Variants in SETD1B observed in about 807,000 individuals in gnomAD.
The protein encoded by SETD1B is SET domain containing 1B, histone lysine methyltransferase.
Under a neutral mutation model 148.0 loss-of-function variants are expected in SETD1B, and 7 were observed. The ratio of observed to expected loss-of-function variants is 0.05; its 90% confidence interval spans 0.03 to 0.09. SETD1B has a LOEUF of 0.09. Ranked by LOEUF, SETD1B falls within the 10% of genes least tolerant of loss-of-function variation. The pLI is 1.00. For synonymous variants in SETD1B, 1,361 were observed against 1,186.5 expected (o/e 1.15, Z -3.02); for missense variants, 2,155 against 2,729.9 (o/e 0.79, Z 4.69).
rs1339728381 is a variant in SETD1B, at chr12:121,830,141, G to A, written c.5803G>A (p.Val1935Ile). ...IVIYSKQHIN[V>I]NEEITYDYKF... Reference sequence around the variant, plus strand: ...CATCTACTCGAAGCAGCACATTAACGTCAATGAGGAGATTACCTATGACTA... The same window carrying A: ...CATCTACTCGAAGCAGCACATTAACATCAATGAGGAGATTACCTATGACTA... The change falls in exon 17 of 17, where the codon GTC (valine) becomes ATC (isoleucine). Residue 1935 changes from valine to isoleucine, a missense_variant. Around this residue, in one of 11 missense-constraint regions of SETD1B, gnomAD observed 17 missense variants for 47.8 expected, o/e 0.36. Transcript: ENST00000604567. The surrounding 1 kb of genome is among the most constrained non-coding windows in gnomAD (Gnocchi z 5.7). The A allele has an allele frequency of 4.3e-5, 67 of 1,551,382 alleles. No homozygotes were observed. The highest frequency in any genetic ancestry group is 4.9e-5 in the East Asian group (2 of 40,908).
rs977165817 is a variant in SETD1B at position 121,810,007 on chromosome 12, C to T, written c.1062C>T (p.Phe354=). 45 of 1,550,436 alleles carry T rather than the reference C, an allele frequency of 2.9e-5. No individual in the cohort carries two copies. The highest frequency in any genetic ancestry group is 5.9e-5 in the South Asian group (5 of 84,058). Residue 354 remains phenylalanine, a synonymous_variant, in exon 6 of 17, where the codon TTC becomes TTT. Transcript: ENST00000604567. This position sits in a 1 kb window ranked among gnomAD's most constrained non-coding sequence, Gnocchi z 7.6. ...AAFRGSSDLP[F]GAVGGTGGSS... ...TCCGGGGTTCCTCGGACCTCCCGTTCGGAGCAGTCGGCGGCACTGGGGGCA... is the reference window on the plus strand; with the variant it reads ...TCCGGGGTTCCTCGGACCTCCCGTTTGGAGCAGTCGGCGGCACTGGGGGCA...
chr12:121,813,379 A>G (rs1341603329), intron 6 of SETD1B, among the ~76,000 whole-genome samples: 1 of 152,040 alleles, frequency 6.6e-6, no homozygotes, highest in East Asian at 1.9e-4. Flanking sequence ...CTCCAATGTC[A>G]CCTTTCCTGC....
intron 16 of SETD1B, among the ~76,000 whole-genome samples, chr12:121,828,853 G>A (rs1225545660): frequency 6.6e-6 from 1 of 152,214 alleles, no homozygotes; most frequent in African/African-American, 2.4e-5. Context: ...CTGCACGTGG[G>A]CCATTTGAGT....
At chr12:121,793,664 C>T in the SETD1B span, 2 of 1,509,648 alleles carry the variant, frequency 1.3e-6, no homozygotes, top group South Asian at 1.2e-5. Context: ...GGCGGCGGCG[C>T]GCCGGGCACT....
At chr12:121,793,858 A>G in the SETD1B span, 1 of 421,106 alleles carries the variant, frequency 2.4e-6, no homozygotes. Context: ...CACCGGAAAA[A>G]CGGGGCTCAG....
chr12:121,831,771 G>T lies in SETD1B; in HGVS notation c.*1532G>T, dbSNP rs1035381499. 4.6e-5 allele frequency: 7 copies of T among 152,250 alleles called. No homozygotes were observed. Among genetic ancestry groups the T allele is most frequent in the African/African-American group, 1.7e-4 (7 of 41,474 alleles). 9.4% of individuals were successfully genotyped at this position (152,250 alleles called of 1,614,324 possible). On this transcript the variant is annotated 3_prime_UTR_variant, in exon 17 of 17. Coordinates refer to ENST00000604567, the MANE Select transcript of SETD1B (RefSeq NM_001353345.2). ...ATGAGGGAGCTGCTCCCACCCTGCG[G>T]ACGCAGGCGGCCGGAGCCTCTGGTA...
At position 121,817,611 on chromosome 12, in the gene SETD1B, C is replaced by A; in HGVS notation, c.3219C>A (p.Ser1073Arg). 6 of 1,551,390 alleles carry A rather than the reference C, an allele frequency of 3.9e-6. No homozygotes were observed. The highest frequency in any genetic ancestry group is 5.2e-6 in the Non-Finnish European group (6 of 1,146,758). ...CCGACAAGGAGGAGGAACAGGAGAG[C>A]ACCGAGGAGGAAGAGGAGGCGGAGG... ...SASDKEEEQE[S>R]TEEEEEAEEE... The change falls in exon 9 of 17, where the codon AGC (serine) becomes AGA (arginine). Residue 1073 changes from serine (S) to arginine (R), a missense_variant. By Grantham distance (110) the Ser-to-Arg change is moderately radical (BLOSUM62 -1). This residue lies in a region of SETD1B where 862 missense variants were observed against 873.8 expected (regional missense o/e 0.99). Transcript: ENST00000604567. The surrounding 1 kb of genome is among the most constrained non-coding windows in gnomAD (Gnocchi z 8.1).
In SETD1B at chr12:121,810,046, G is replaced by T. The variant is rs556284941; in HGVS notation, c.1101G>T (p.Pro367=). The change falls in exon 6 of 17, where the codon CCG becomes CCT. Residue 367 remains proline, a synonymous_variant. Transcript: ENST00000604567. The surrounding 1 kb of genome is among the most constrained non-coding windows in gnomAD (Gnocchi z 7.6). ...VGGTGGSSGP[P]FKAQPQDSAT... Reference sequence around the variant, plus strand: ...GCACTGGGGGCAGCAGCGGTCCCCCGTTCAAGGCTCAACCACAGGATTCAG... The same window carrying T: ...GCACTGGGGGCAGCAGCGGTCCCCCTTTCAAGGCTCAACCACAGGATTCAG... The T allele has an allele frequency of 1.2e-5, 18 of 1,550,100 alleles. No individual in the cohort carries two copies. The highest frequency in any genetic ancestry group is 1.5e-5 in the Non-Finnish European group (17 of 1,146,916).
intron 11 of SETD1B, 56 bp downstream of exon 11, chr12:121,819,951 G>T: frequency 7.0e-7 from 1 of 1,427,936 alleles, no homozygotes; most frequent in Non-Finnish European, 9.5e-7. Context: ...AGTCCTCACT[G>T]TCAGAATCAG....
intron 4 of SETD1B, among the ~76,000 whole-genome samples, chr12:121,806,788 G>A (rs998434719): frequency 2.0e-5 from 3 of 152,232 alleles, no homozygotes; most frequent in Non-Finnish European, 4.4e-5. Context: ...TCAGCTAGGT[G>A]CTCTCTGGAG....
chr12:121,806,519 G>T (rs536305385), intron 4 of SETD1B, among the ~76,000 whole-genome samples: 3 of 152,134 alleles, frequency 2.0e-5, no homozygotes, highest in African/African-American at 4.8e-5. Flanking sequence ...TCAAGAGAAG[G>T]TCTGAAAACT....
chr12:121,814,422 T>TG lies in SETD1B; in HGVS notation c.2207_2208insG (p.Pro738AlafsTer104). 3 of 1,407,196 alleles carry TG rather than the reference T, an allele frequency of 2.1e-6. No homozygotes were observed. The highest frequency in any genetic ancestry group is 1.6e-5 in the African/African-American group (1 of 63,224). 87.2% of individuals were successfully genotyped at this position (1,407,196 alleles called of 1,614,324 possible). ...CCACCCTTGCCAGCGCCGCCTGGAG[T>TG]CCCGCCCCCACCCATCCTGCCACCA... On this transcript the variant is annotated frameshift_variant, in exon 7 of 17. Coordinates refer to ENST00000604567, the MANE Select transcript of SETD1B (RefSeq NM_001353345.2). LOFTEE classifies it high-confidence loss of function.
intron 12 of SETD1B, 121 bp downstream of exon 12, chr12:121,823,870 A>G: frequency 1.5e-6 from 2 of 1,318,494 alleles, no homozygotes; most frequent in Non-Finnish European, 2.0e-6. Flanking sequence ...GACAGCATGC[A>G]CCACCGTCAC....
the SETD1B span, among the ~76,000 whole-genome samples, chr12:121,792,188 T>C: frequency 6.8e-6 from 1 of 146,074 alleles, no homozygotes; most frequent in East Asian, 2.2e-4. Flanking sequence ...GGCTCCATCC[T>C]AGGTCAGTGT....
At chr12:121,793,588 C>T in the SETD1B span, 1 of 1,553,010 alleles carries the variant, frequency 6.4e-7, no homozygotes. Context: ...TCCTTCCTGC[C>T]CGGACCGGGG....
the SETD1B span, among the ~76,000 whole-genome samples, chr12:121,795,053 TC>T: frequency 3.9e-5 from 6 of 152,124 alleles, no homozygotes; most frequent in African/African-American, 1.4e-4. Flanking sequence ...ACCTGGCAGT[TC>T]CATGGTCAAG....
Position 121,829,981 on chromosome 12 carries a change from C to G in SETD1B, c.5728-85C>G, listed in dbSNP as rs1877015969. 4 of 1,316,278 alleles carry G rather than the reference C, an allele frequency of 3.0e-6. No homozygotes were observed. The East Asian group carries it at 1.0e-4, about 34-fold the overall frequency. 81.5% of individuals were successfully genotyped at this position (1,316,278 alleles called of 1,614,324 possible). Reference sequence around the variant, plus strand: ...CACGTGGCATGTCAGGCCTTAAGCACAGGCCTGGTTGGGTTTGGGGGGTCT... The same window carrying G: ...CACGTGGCATGTCAGGCCTTAAGCAGAGGCCTGGTTGGGTTTGGGGGGTCT... On this transcript the variant is annotated intron_variant, in intron 16 of 16. Transcript: ENST00000604567.
intron 4 of SETD1B, among the ~76,000 whole-genome samples, chr12:121,807,134 G>T (rs369962257): frequency 2.0e-5 from 3 of 152,172 alleles, no homozygotes; most frequent in Admixed American, 2.0e-4. Context: ...TGCGTTTAAT[G>T]ATTAAAATGT....
chr12:121,807,971 G>A (rs1470402252), intron 4 of SETD1B, among the ~76,000 whole-genome samples: 1 of 152,112 alleles, frequency 6.6e-6, no homozygotes, highest in Non-Finnish European at 1.5e-5. Context: ...TCAGCCCCAG[G>A]AGACATGAGC....
Sources: gnomAD v4.1 joint callset for allele counts (sites outside exome capture counted in the v4.1 genomes callset) on GRCh38, gnomAD v4.1.1 for gene constraint, gnomAD v4.1.1 regional missense constraint, Gnocchi (gnomAD v3.1) non-coding constraint, MANE v1.5 for transcripts, NCBI Gene and HGNC (gene_info 2026-07-23, HGNC 2026-07-21) for gene names.